Variants in MEI1 observed in about 807,000 individuals in gnomAD.
The protein encoded by MEI1 is meiosis inhibitor protein 1.
Under a neutral mutation model 146.2 loss-of-function variants are expected in MEI1, and 103 were observed. That is an observed-to-expected ratio of 0.70 (90% confidence interval 0.60 to 0.83). The LOEUF is 0.83. MEI1 is among the 40% of genes least tolerant of loss of function. The pLI is 0.00. For synonymous variants in MEI1, 652 were observed against 628.2 expected, an observed-to-expected ratio of 1.04 and a Z score of -0.57; for missense variants, 1,529 against 1,533.0, an observed-to-expected ratio of 1.00 and a Z score of 0.04.
At chr22:41,796,258 G>A (rs964098845) in intron 30 of MEI1, among the ~76,000 whole-genome samples, 1 of 152,008 alleles carries the variant, frequency 6.6e-6, no homozygotes, top group Admixed American at 6.6e-5. Context: ...CACGATCTTG[G>A]CTCACTGTAA....
chr22:41,728,981 T>G (rs1362052381), intron 7 of MEI1, among the ~76,000 whole-genome samples: 2 of 151,616 alleles, frequency 1.3e-5, no homozygotes, highest in Non-Finnish European at 2.9e-5. Context: ...CTGGCCAATA[T>G]GGTGAAACCC....
chr22:41,714,906 C>T (rs926127479), intron 4 of MEI1, among the ~76,000 whole-genome samples: 2 of 151,764 alleles, frequency 1.3e-5, no homozygotes, highest in African/African-American at 4.8e-5. Context: ...AGTTAAAGAG[C>T]AGCTTTTGTG....
At chr22:41,744,219 G>T (rs1457391609) in intron 12 of MEI1, among the ~76,000 whole-genome samples, 7 of 151,796 alleles carry the variant, frequency 4.6e-5, no homozygotes. Flanking sequence ...TGCCCAGGCT[G>T]GAGTGCAGTG....
chr22:41,746,512 G>A (rs904809117), intron 14 of MEI1, among the ~76,000 whole-genome samples: 1 of 152,310 alleles, frequency 6.6e-6, no homozygotes, highest in South Asian at 2.1e-4. Context: ...GAACATGTAT[G>A]TGTGTTCTGT....
chr22:41,777,764 T>C (rs764990294), intron 21 of MEI1, among the ~76,000 whole-genome samples: 93 of 152,232 alleles, frequency 6.1e-4, no homozygotes, highest in Non-Finnish European at 1.0e-3. Context: ...TACTGAAAGA[T>C]TCAGTGTCTG....
At chr22:41,700,053 T>A (rs1222907477) in intron 1 of MEI1, among the ~76,000 whole-genome samples, 1 of 152,232 alleles carries the variant, frequency 6.6e-6, no homozygotes, top group Non-Finnish European at 1.5e-5. Flanking sequence ...CTGCCTCCAT[T>A]TCCCGGGGAT....
In MEI1 at chr22:41,758,501, C is replaced by T. The variant is rs1174313566; in HGVS notation, c.2088C>T (p.Leu696=). The T allele has an allele frequency of 1.9e-6, 3 of 1,613,536 alleles. No homozygotes were observed. Among genetic ancestry groups the T allele is most frequent in the Non-Finnish European group, 2.5e-6 (3 of 1,179,658 alleles). The stretch of plus-strand genomic sequence containing the variant: ...GCCAGAGACAGTACTGCATCCTGCT[C>T]CTCTTCTACTTGGCCTACATCCATG... ...AARQRQYCIL[L]LFYLAYIHED... is the part of the protein sequence containing the mutation. Residue 696 remains leucine, a synonymous_variant, in exon 18 of 31, where the codon CTC becomes CTT. Coordinates refer to ENST00000401548, the MANE Select transcript of MEI1 (RefSeq NM_152513.4).
chr22:41,719,217 C>T (rs1258136484), intron 6 of MEI1, among the ~76,000 whole-genome samples: 5 of 152,058 alleles, frequency 3.3e-5, no homozygotes, highest in African/African-American at 1.2e-4. Context: ...CTCCTGACCT[C>T]GTGATCCACC....
intron 26 of MEI1, 116 bp downstream of exon 26, chr22:41,784,899 T>TA (rs1031721167): frequency 2.7e-5 from 14 of 519,088 alleles, no homozygotes; most frequent in African/African-American, 2.2e-4. Flanking sequence ...AAGACTTTTT[T>TA]AAAAAAATTA....
At position 41,705,528 on chromosome 22, in the gene MEI1, G is replaced by A; in HGVS notation, c.323G>A (p.Gly108Glu). The change falls in exon 3 of 31, where the codon GGG becomes GAG. Residue 108 changes from glycine to glutamate, a missense_variant. Gly to Glu is a moderately conservative substitution (Grantham distance 98, BLOSUM62 -2). Transcript: ENST00000401548. ...GGACTATTATGCAGCATGGAAGATG[G>A]GAGTGTGACAGACCTCTGTATTGAA... ...LFGLLCSMED[G>E]SVTDLCIEVL... 6.2e-7 allele frequency: 1 copy of A among 1,613,568 alleles called. No individual in the cohort carries two copies. Among genetic ancestry groups the A allele is most frequent in the Non-Finnish European group, 8.5e-7 (1 of 1,179,690 alleles).
Position 41,770,890 on chromosome 22 carries a change from G to A in MEI1, c.2473G>A (p.Ala825Thr), listed in dbSNP as rs199854922. Residue 825 changes from alanine to threonine, a missense_variant, in exon 20 of 31, where the codon GCC (alanine) becomes ACC (threonine). Transcript: ENST00000401548. ...TGATGTCACCTCTGCTGGGCAGCCCGCCCTTCCTGCCAGCTTAGTAGTCCT... is the reference window on the plus strand; with the variant it reads ...TGATGTCACCTCTGCTGGGCAGCCCACCCTTCCTGCCAGCTTAGTAGTCCT... ...LDDVTSAGQPALPASLVVLFQ... is the reference protein window; with the variant it reads ...LDDVTSAGQPTLPASLVVLFQ... The A allele has an allele frequency of 1.6e-4, 259 of 1,613,994 alleles. No homozygotes were observed. Among genetic ancestry groups the A allele is most frequent in the Middle Eastern group, 8.2e-4 (5 of 6,062 alleles).
At chr22:41,707,207 A>G (rs1234209370) in intron 3 of MEI1, among the ~76,000 whole-genome samples, 1 of 152,090 alleles carries the variant, frequency 6.6e-6, no homozygotes, top group Non-Finnish European at 1.5e-5. Flanking sequence ...TGTCTCAATT[A>G]AAAAAATAAT....
intron 12 of MEI1, among the ~76,000 whole-genome samples, chr22:41,743,716 C>T (rs1025822707): frequency 3.9e-5 from 6 of 152,166 alleles, no homozygotes; most frequent in Admixed American, 3.9e-4. Flanking sequence ...GCTCTTTACA[C>T]CTGATGGAGT....
chr22:41,711,625 T>C (rs1220004325), intron 3 of MEI1, among the ~76,000 whole-genome samples: 1 of 152,212 alleles, frequency 6.6e-6, no homozygotes, highest in Non-Finnish European at 1.5e-5. Context: ...TCCTGTTTGC[T>C]TTCTTCCTGC....
At chr22:41,768,243 G>T (rs141311725) in intron 19 of MEI1, among the ~76,000 whole-genome samples, 1 of 152,042 alleles carries the variant, frequency 6.6e-6, no homozygotes, top group African/African-American at 2.4e-5. Context: ...TTAGCTGGGC[G>T]TGGCGGCATG....
chr22:41,726,512 T>G (rs1369164089), intron 7 of MEI1, among the ~76,000 whole-genome samples: 1 of 152,190 alleles, frequency 6.6e-6, no homozygotes, highest in African/African-American at 2.4e-5. Flanking sequence ...CCAATTAAAC[T>G]TCAAAAAAGA....
intron 30 of MEI1, among the ~76,000 whole-genome samples, chr22:41,798,116 A>C (rs1020101660): frequency 3.7e-5 from 5 of 135,828 alleles, no homozygotes; most frequent in Non-Finnish European, 6.3e-5. Flanking sequence ...TCCTCAGCCC[A>C]ACACACACAC....
chr22:41,773,762 C>A (rs1162251274), intron 20 of MEI1, among the ~76,000 whole-genome samples: 1 of 152,030 alleles, frequency 6.6e-6, no homozygotes, highest in Non-Finnish European at 1.5e-5. Flanking sequence ...GTAGTCCCAG[C>A]CACTCAGGAG....
At chr22:41,786,285 A>G (rs1458096051) in intron 26 of MEI1, among the ~76,000 whole-genome samples, 1 of 152,122 alleles carries the variant, frequency 6.6e-6, no homozygotes, top group Non-Finnish European at 1.5e-5. Flanking sequence ...GCCTCAAGTG[A>G]TCCTCTTACC....
Sources: gnomAD v4.1 joint callset for allele counts (sites outside exome capture counted in the v4.1 genomes callset) on GRCh38, gnomAD v4.1.1 for gene constraint, MANE v1.5 for transcripts, NCBI Gene and HGNC (gene_info 2026-07-23, HGNC 2026-07-21) for gene names.